LRRC74A: variants seen among roughly 807,000 people sequenced by gnomAD.
The protein encoded by LRRC74A is leucine-rich repeat-containing protein 74A.
Under a neutral mutation model 57.9 loss-of-function variants are expected in LRRC74A, and 44 were observed. The ratio of observed to expected loss-of-function variants is 0.76; its 90% confidence interval spans 0.60 to 0.98. The LOEUF is 0.98. Ranked by LOEUF, LRRC74A falls within the 50% of genes least tolerant of loss-of-function variation. The probability of loss-of-function intolerance (pLI) is 0.00; values close to 1 mark genes in which losing one functional copy is unlikely to be tolerated. For synonymous variants in LRRC74A, 211 were observed against 219.4 expected (o/e 0.96, Z 0.34); for missense variants, 572 against 574.0 (o/e 1.00, Z 0.04).
At chr14:76,853,531 T>A in intron 9 of LRRC74A, 121 bp downstream of exon 9, 1 of 931,268 alleles carries the variant, frequency 1.1e-6, no homozygotes, top group Non-Finnish European at 1.6e-6. Context: ...TATCTGTACT[T>A]CATATATGCA....
intron 3 of LRRC74A, among the ~76,000 whole-genome samples, chr14:76,832,662 C>G (rs1163970107): frequency 6.6e-6 from 1 of 152,254 alleles, no homozygotes; most frequent in African/African-American, 2.4e-5. Flanking sequence ...AAATTAGGAT[C>G]ATTGATTGGT....
intron 7 of LRRC74A, among the ~76,000 whole-genome samples, chr14:76,846,155 T>C (rs1234034552): frequency 6.6e-6 from 1 of 152,210 alleles, no homozygotes; most frequent in Non-Finnish European, 1.5e-5. Flanking sequence ...AATAGAGCAA[T>C]GGTCAAGGCA....
At chr14:76,843,933 T>C (rs146150105) in intron 5 of LRRC74A, among the ~76,000 whole-genome samples, 30 of 152,214 alleles carry the variant, frequency 2.0e-4, no homozygotes, top group African/African-American at 7.2e-4. Context: ...ACTCCTGACC[T>C]CAGGTGATCC....
chr14:76,850,323 G>A (rs536117298), intron 7 of LRRC74A, among the ~76,000 whole-genome samples: 7 of 152,316 alleles, frequency 4.6e-5, no homozygotes, highest in Non-Finnish European at 7.4e-5. Flanking sequence ...AGTAAGTGGT[G>A]AGATCAGAAT....
At chr14:76,827,074 T>C (rs1330753908) in intron 1 of LRRC74A, among the ~76,000 whole-genome samples, 1 of 151,730 alleles carries the variant, frequency 6.6e-6, no homozygotes, top group Non-Finnish European at 1.5e-5. Context: ...GTGTTGTTTG[T>C]TTTTTTTCCT....
rs539064411 is a variant in LRRC74A at position 76,843,496 on chromosome 14, A to C, written c.545-927A>C. Among the ~76,000 whole-genome samples the C allele has an allele frequency of 2.0e-5, 3 of 152,146 alleles. No homozygotes were observed. In the South Asian group the frequency reaches 6.2e-4, roughly 32 times the overall value. On this transcript the variant is annotated intron_variant, in intron 5 of 13. Transcript: ENST00000689127. ...TGCTTGAACTTGGATGAGCATTTTT[A>C]GGATGTTATAGACTCTAGGCACTAG...
chr14:76,869,041 C>T (rs887994394), intron 13 of LRRC74A, among the ~76,000 whole-genome samples: 2 of 152,176 alleles, frequency 1.3e-5, no homozygotes, highest in South Asian at 2.1e-4. Context: ...GGGCCTCCCA[C>T]TCCTGTGCTG....
chr14:76,852,023 T>C (rs143492945), intron 7 of LRRC74A, among the ~76,000 whole-genome samples: 4 of 152,280 alleles, frequency 2.6e-5, no homozygotes, highest in African/African-American at 7.2e-5. Flanking sequence ...GCTCTTCCCA[T>C]ATTCTGTGCT....
chr14:76,838,072 T>C (rs1360380782), intron 5 of LRRC74A, 101 bp downstream of exon 5: 1 of 793,106 alleles, frequency 1.3e-6, no homozygotes, highest in Non-Finnish European at 2.0e-6. Flanking sequence ...ACCATGTCCT[T>C]CTAGTCTTGG....
chr14:76,839,677 G>A (rs1896615578), intron 5 of LRRC74A, among the ~76,000 whole-genome samples: 1 of 152,146 alleles, frequency 6.6e-6, no homozygotes, highest in African/African-American at 2.4e-5. Flanking sequence ...TCTATGAAAT[G>A]TCAATTGTTG....
At chr14:76,867,674 A>T (rs1899052181) in intron 13 of LRRC74A, among the ~76,000 whole-genome samples, 1 of 152,074 alleles carries the variant, frequency 6.6e-6, no homozygotes, top group Non-Finnish European at 1.5e-5. Flanking sequence ...GATGCTGGGG[A>T]TGCCAGCGGG....
chr14:76,857,092 G>A lies in LRRC74A; in HGVS notation c.958-288G>A, dbSNP rs140464707. Among the ~76,000 whole-genome samples the A allele has an allele frequency of 2.6e-3, 337 of 127,836 alleles. 5 individuals carry two copies. Among genetic ancestry groups the A allele is most frequent in the African/African-American group, 8.7e-3 (320 of 36,922 alleles). 83.9% of individuals were successfully genotyped at this position (127,836 alleles called of 152,430 possible). On this transcript the variant is annotated intron_variant, in intron 9 of 13. Transcript: ENST00000689127. The stretch of plus-strand genomic sequence containing the variant: ...ATAGATGGTTGGATGGATGAGCAGT[G>A]AGATGGACAGATGGTGGGTAGGTGG...
intron 5 of LRRC74A, among the ~76,000 whole-genome samples, chr14:76,839,723 C>T (rs558538480): frequency 1.3e-5 from 2 of 152,224 alleles, no homozygotes; most frequent in South Asian, 4.2e-4. Flanking sequence ...TTTAGCCATT[C>T]TTCATAAACT....
At chr14:76,833,673 C>T (rs1427930501) in intron 3 of LRRC74A, among the ~76,000 whole-genome samples, 1 of 151,962 alleles carries the variant, frequency 6.6e-6, no homozygotes, top group African/African-American at 2.4e-5. Flanking sequence ...GAACTTCTGG[C>T]CTCAAGTGAT....
chr14:76,840,990 AATG>A (rs1444250606), intron 5 of LRRC74A, among the ~76,000 whole-genome samples: 1 of 152,168 alleles, frequency 6.6e-6, no homozygotes, highest in African/African-American at 2.4e-5. Context: ...TAATACAAAA[AATG>A]ATGATGTACT....
At chr14:76,850,025 G>A (rs1477550213) in intron 7 of LRRC74A, among the ~76,000 whole-genome samples, 2 of 151,990 alleles carry the variant, frequency 1.3e-5, no homozygotes, top group East Asian at 1.9e-4. Flanking sequence ...TGGCTAACAC[G>A]GTGAAACCCC....
intron 7 of LRRC74A, among the ~76,000 whole-genome samples, chr14:76,847,734 A>G (rs957328537): frequency 3.3e-4 from 50 of 152,054 alleles, no homozygotes; most frequent in Non-Finnish European, 6.6e-4. Flanking sequence ...GAGTTATGGA[A>G]ACCCAAATGG....
At chr14:76,828,109 C>T (rs1004332731) in intron 1 of LRRC74A, among the ~76,000 whole-genome samples, 182 bp from the exon 2 acceptor site, 1 of 152,174 alleles carries the variant, frequency 6.6e-6, no homozygotes, top group African/African-American at 2.4e-5. Flanking sequence ...ACCCTGCAGC[C>T]GGAGGCAGCG....
Position 76,868,313 on chromosome 14 carries a change from A to C in LRRC74A, c.1391+875A>C, listed in dbSNP as rs185233033. On this transcript the variant is annotated intron_variant, in intron 13 of 13. Coordinates refer to ENST00000689127, the MANE Select transcript of LRRC74A (RefSeq NM_001385106.1). ...CCCCCGTCTCTACTAAAAACCAAAA[A>C]AACACATTAGCTGAACATGGCAGTG... is the stretch of plus-strand genomic sequence containing the variant. Among the ~76,000 whole-genome samples the C allele has an allele frequency of 3.9e-3, 596 of 152,242 alleles. 5 individuals carry two copies. Among genetic ancestry groups the C allele is most frequent in the Admixed American group, 7.5e-3 (115 of 15,296 alleles).
Sources: allele counts gnomAD v4.1 joint callset (sites outside exome capture counted in the v4.1 genomes callset), GRCh38; gene constraint gnomAD v4.1.1; transcripts MANE v1.5; gene names NCBI Gene and HGNC (gene_info 2026-07-23, HGNC 2026-07-21).